PEX13: variants seen among roughly 807,000 people sequenced by gnomAD.
The protein encoded by PEX13 is peroxisomal biogenesis factor 13.
A neutral mutation model predicts 34.5 loss-of-function variants in PEX13; 28 were observed. That is an observed-to-expected ratio of 0.81 (90% CI 0.60 to 1.11). The LOEUF (loss-of-function observed/expected upper bound fraction) is 1.11, where lower values mean the gene tolerates loss of function less well. Ranked by LOEUF, PEX13 falls within the 50% of genes most tolerant of loss-of-function variation. The pLI is 0.00. For synonymous variants in PEX13, 177 were observed against 175.1 expected (o/e 1.01, Z -0.09); for missense variants, 550 against 491.0 (o/e 1.12, Z -1.13).
At chr2:61,046,914 T>G (rs1192661696) in intron 3 of PEX13, among the ~76,000 whole-genome samples, 1 of 152,202 alleles carries the variant, frequency 6.6e-6, no homozygotes, top group East Asian at 1.9e-4. Flanking sequence ...AATCTTTGCC[T>G]CATCCCTTTT....
intron 2 of PEX13, among the ~76,000 whole-genome samples, chr2:61,044,449 C>G (rs1680674185): frequency 1.3e-5 from 2 of 152,148 alleles, no homozygotes; most frequent in African/African-American, 2.4e-5. Flanking sequence ...CAAGGTTTCC[C>G]TATGTTGCCC....
intron 1 of PEX13, among the ~76,000 whole-genome samples, chr2:61,021,672 TC>T (rs1341822502): frequency 3.3e-5 from 5 of 152,220 alleles, no homozygotes; most frequent in Non-Finnish European, 7.3e-5. Context: ...GCAGTGGTTC[TC>T]CCAGCATGGT....
chr2:61,032,965 A>G (rs996088267), intron 2 of PEX13, among the ~76,000 whole-genome samples: 1 of 152,216 alleles, frequency 6.6e-6, no homozygotes, highest in African/African-American at 2.4e-5. Context: ...TTGAAAGCTA[A>G]TAGTAGAAGC....
chr2:61,026,211 C>G (rs1000055423), intron 1 of PEX13, among the ~76,000 whole-genome samples: 6 of 152,092 alleles, frequency 3.9e-5, no homozygotes, highest in Non-Finnish European at 7.4e-5. Context: ...CTAATTACCT[C>G]GACAACCATT....
At chr2:61,034,737 C>G (rs1294554987) in intron 2 of PEX13, among the ~76,000 whole-genome samples, 2 of 152,266 alleles carry the variant, frequency 1.3e-5, no homozygotes, top group Non-Finnish European at 2.9e-5. Flanking sequence ...ACCAGCAACG[C>G]TGCAGCTTGA....
In PEX13 at chr2:61,031,847, A is replaced by C. The variant is rs1425306927; in HGVS notation, c.521A>C (p.His174Pro). The part of the protein sequence containing the change: ...VANHFSRLKI[H>P]FTKVFSAFAL... ...AATCACTTTTCCCGATTGAAAATACACTTTACAAAAGTGTTTTCAGCTTTT... is the reference window on the plus strand; with the variant it reads ...AATCACTTTTCCCGATTGAAAATACCCTTTACAAAAGTGTTTTCAGCTTTT... Residue 174 changes from histidine to proline, a missense_variant, in exon 2 of 4, where the codon CAC (histidine) becomes CCC (proline). His to Pro is a moderately conservative substitution (Grantham distance 77). Coordinates refer to ENST00000295030, the MANE Select transcript of PEX13 (RefSeq NM_002618.4). 1 of 1,613,264 alleles carries C rather than the reference A, an allele frequency of 6.2e-7. No individual in the cohort carries two copies. Among genetic ancestry groups the C allele is most frequent in the Non-Finnish European group, 8.5e-7 (1 of 1,179,160 alleles).
rs750110664 is a variant in PEX13, at chr2:61,048,557, T to C, written c.999T>C (p.Ile333=). 3.1e-6 allele frequency: 5 copies of C among 1,614,008 alleles called. No homozygotes were observed. In the East Asian group the frequency reaches 1.1e-4, roughly 36 times the overall value. The change falls in exon 4 of 4, where the codon ATT becomes ATC. Residue 333 remains isoleucine (I), a synonymous_variant. Coordinates refer to ENST00000295030, the MANE Select transcript of PEX13 (RefSeq NM_002618.4). ...TTATACCTGCGAATTATGTCAAAAT[T>C]CTTGGCAAAAGAAAAGGTAGGAAAA... The part of the protein sequence containing the change: ...TGLIPANYVK[I]LGKRKGRKTV...
intron 1 of PEX13, among the ~76,000 whole-genome samples, chr2:61,026,538 G>GTAT (rs1403721803): frequency 6.6e-6 from 1 of 151,718 alleles, no homozygotes; most frequent in Non-Finnish European, 1.5e-5. Context: ...AGTAGAGACA[G>GTAT]TATTTCACCA....
At chr2:61,047,655 C>T (rs1430492964) in intron 3 of PEX13, among the ~76,000 whole-genome samples, 13 of 152,146 alleles carry the variant, frequency 8.5e-5, no homozygotes, top group Non-Finnish European at 1.6e-4. Context: ...TTAACACTAG[C>T]TTGCTTCTTG....
At chr2:61,026,367 C>T (rs1369917445) in intron 1 of PEX13, among the ~76,000 whole-genome samples, 52 of 108,454 alleles carry the variant, frequency 4.8e-4, no homozygotes, top group African/African-American at 1.6e-3. Context: ...TTTTTTGAGA[C>T]GGAGTCTCAC....
At position 61,045,856 on chromosome 2, in the gene PEX13, T is replaced by A; in HGVS notation, c.913+5T>A. On this transcript the variant is annotated splice_donor_5th_base_variant and intron_variant, in intron 3 of 3. Transcript: ENST00000295030. ...TGCTGAACTTAGCTCTCAAAGGTAA[T>A]AAATTATGAATAAGTTGGAATTATC... is the stretch of plus-strand genomic sequence containing the variant. 6.2e-7 allele frequency: 1 copy of A among 1,609,318 alleles called. No individual in the cohort carries two copies. The highest frequency in any genetic ancestry group is 8.5e-7 in the Non-Finnish European group (1 of 1,175,662).
Position 61,045,995 on chromosome 2 carries a change from C to T in PEX13, c.913+144C>T, listed in dbSNP as rs149260539. On this transcript the variant is annotated intron_variant, in intron 3 of 3. Transcript: ENST00000295030. ...ACTTCTTTTTCATGTCAATTTAGAG[C>T]TTCCAAATCTGGAGGAGTCAGGAAG... is the stretch of plus-strand genomic sequence containing the variant. 9.5e-4 allele frequency: 693 copies of T among 726,312 alleles called. 3 individuals are homozygous for T. Among genetic ancestry groups the T allele is most frequent in the African/African-American group, 8.3e-3 (472 of 56,962 alleles). The allele number at this position is 726,312 out of a possible 1,614,324, so 45.0% of individuals were successfully genotyped here.
rs950397917 is a variant in PEX13, at chr2:61,017,767, C to G, written c.8C>G (p.Ser3Cys). The change falls in exon 1 of 4, where the codon TCC becomes TGC. Residue 3 changes from serine to cysteine, a missense_variant. Physicochemically the swap from Ser to Cys is moderately radical, Grantham distance 112 (BLOSUM62 -1). Transcript: ENST00000295030. MA[S>C]QPPPPPKPWE... The stretch of plus-strand genomic sequence containing the variant: ...CGAGAGGAGGCGGAGGAGATGGCGT[C>G]CCAGCCGCCACCTCCCCCCAAACCC... 2.6e-6 allele frequency: 4 copies of G among 1,549,650 alleles called. No homozygotes were observed. The highest frequency in any genetic ancestry group is 3.9e-5 in the Admixed American group (2 of 50,914).
intron 1 of PEX13, chr2:61,018,082 C>G (rs1028233709): frequency 7.4e-5 from 113 of 1,520,088 alleles, no homozygotes; most frequent in South Asian, 2.4e-4. Flanking sequence ...TCGGGAGCTC[C>G]TGGGCGTCTC....
intron 2 of PEX13, 78 bp from the exon 3 acceptor site, chr2:61,045,648 T>A (rs889068638): frequency 7.5e-7 from 1 of 1,335,036 alleles, no homozygotes; most frequent in Admixed American, 1.7e-5. Context: ...ATTTATGCAG[T>A]TTGCAAGCCA....
At chr2:61,027,660 A>G (rs1260442946) in intron 1 of PEX13, among the ~76,000 whole-genome samples, 2 of 152,302 alleles carry the variant, frequency 1.3e-5, no homozygotes, top group African/African-American at 4.8e-5. Context: ...ACAGAACCAG[A>G]ATTGAGTAGG....
intron 1 of PEX13, chr2:61,018,478 T>C: frequency 1.5e-6 from 1 of 676,860 alleles, no homozygotes; most frequent in Non-Finnish European, 2.3e-6. Flanking sequence ...TATTTTTTTT[T>C]TGTTTGGTTT....
chr2:61,039,188 C>G (rs1212664724), intron 2 of PEX13, among the ~76,000 whole-genome samples: 2 of 152,118 alleles, frequency 1.3e-5, no homozygotes, highest in African/African-American at 2.4e-5. Flanking sequence ...TTTATAGATG[C>G]AATGCTATCC....
intron 2 of PEX13, among the ~76,000 whole-genome samples, chr2:61,035,607 A>G (rs1223397182): frequency 6.6e-6 from 1 of 152,236 alleles, no homozygotes; most frequent in African/African-American, 2.4e-5. Flanking sequence ...ACTAGAATAA[A>G]GAGTGTACAG....
Sources: allele counts gnomAD v4.1 joint callset (sites outside exome capture counted in the v4.1 genomes callset), GRCh38; gene constraint gnomAD v4.1.1; transcripts MANE v1.5; gene names NCBI Gene and HGNC (gene_info 2026-07-23, HGNC 2026-07-21).